The following ZFHX3 variants were observed in gnomAD, a reference collection of about 807,000 sequenced individuals.
ZFHX3 encodes the protein zinc finger homeobox protein 3.
A neutral mutation model predicts 279.1 loss-of-function variants in ZFHX3; 42 were observed. The observed-to-expected ratio is 0.15, with a 90% CI of 0.12 to 0.19. The LOEUF (loss-of-function observed/expected upper bound fraction) is 0.19. Ranked by LOEUF, ZFHX3 falls within the 10% of genes least tolerant of loss-of-function variation. The pLI, the probability that ZFHX3 is intolerant of heterozygous loss-of-function variation, is 1.00. For missense variants in ZFHX3, 4,981 were observed against 4,754.0 expected (o/e 1.05, Z -1.40); for synonymous variants, 2,293 against 1,957.8 (o/e 1.17, Z -4.52).
chr16:73,594,333 C>T (rs1200104637), intron 2 of ZFHX3, among the ~76,000 whole-genome samples: 1 of 151,790 alleles, frequency 6.6e-6, no homozygotes, highest in Non-Finnish European at 1.5e-5. Context: ...GAGAACCATG[C>T]CATATTTATA....
chr16:73,304,858 A>G (rs1479121940), intron 4 of ZFHX3, among the ~76,000 whole-genome samples: 1 of 152,084 alleles, frequency 6.6e-6, no homozygotes, highest in Non-Finnish European at 1.5e-5. Context: ...GGGTGCTTTG[A>G]GGTAGCACTT....
At chr16:73,243,969 G>A (rs757303458) in intron 5 of ZFHX3, among the ~76,000 whole-genome samples, 9 of 152,220 alleles carry the variant, frequency 5.9e-5, no homozygotes, top group Non-Finnish European at 2.9e-5. Flanking sequence ...CAAGTGCTTG[G>A]TCTCAGTTGG....
intron 7 of ZFHX3, among the ~76,000 whole-genome samples, chr16:73,112,966 G>A (rs551379084): frequency 4.1e-4 from 63 of 152,116 alleles, no homozygotes; most frequent in African/African-American, 1.3e-3. Flanking sequence ...GCAGCCCTGC[G>A]CCTTGGTTCA....
In ZFHX3 at chr16:73,864,659, G is replaced by T. The variant is rs184864399; in HGVS notation, c.-1608+26992C>A. Among the ~76,000 whole-genome samples the T allele has an allele frequency of 1.8e-3, 280 of 152,278 alleles. 2 individuals are homozygous for T. The highest frequency in any genetic ancestry group is 0.011 in the South Asian group (53 of 4,828). On this transcript the variant is annotated intron_variant, in intron 1 of 17. Coordinates refer to the ZFHX3 transcript ENST00000641206. Reference sequence around the variant, plus strand: ...GCTTGAACCCAGGAGGGTGGAGGTTGCAGTGAGCCAAGATCGCCCCACTGC... The same window carrying T: ...GCTTGAACCCAGGAGGGTGGAGGTTTCAGTGAGCCAAGATCGCCCCACTGC...
intron 2 of ZFHX3, among the ~76,000 whole-genome samples, chr16:73,470,157 G>A (rs946331989): frequency 7.2e-5 from 11 of 152,138 alleles, no homozygotes; most frequent in East Asian, 3.9e-4. Flanking sequence ...TGACAATACC[G>A]CCCATCTTGG....
chr16:73,635,392 C>G (rs997212961), intron 2 of ZFHX3, among the ~76,000 whole-genome samples: 2 of 152,144 alleles, frequency 1.3e-5, no homozygotes, highest in African/African-American at 2.4e-5. Context: ...GCATGTTACT[C>G]AAGTTCTCAG....
chr16:72,954,825 T>C (rs1961170787), intron 2 of ZFHX3, among the ~76,000 whole-genome samples: 1 of 152,112 alleles, frequency 6.6e-6, no homozygotes, highest in Non-Finnish European at 1.5e-5. Context: ...AACCCCACAA[T>C]CAGTGTCTGT....
intron 3 of ZFHX3, among the ~76,000 whole-genome samples, chr16:72,897,809 G>A (rs1340286513): frequency 6.6e-6 from 1 of 152,094 alleles, no homozygotes; most frequent in Non-Finnish European, 1.5e-5. Flanking sequence ...CATCCTTGGA[G>A]GAGCCCAAAG....
intron 2 of ZFHX3, among the ~76,000 whole-genome samples, chr16:73,520,634 A>G (rs1322139838): frequency 6.6e-6 from 1 of 152,240 alleles, no homozygotes; most frequent in Non-Finnish European, 1.5e-5. Flanking sequence ...TTGTACAAAC[A>G]TCTGGTGTCT....
intron 9 of ZFHX3, chr16:72,790,480 G>C (rs911417637): frequency 2.0e-5 from 3 of 152,186 alleles, no homozygotes; most frequent in Non-Finnish European, 4.4e-5. Context: ...GCCCAGACTT[G>C]GGGGAAGACT....
intron 1 of ZFHX3, among the ~76,000 whole-genome samples, chr16:73,794,891 T>C: frequency 6.6e-6 from 1 of 152,204 alleles, no homozygotes; most frequent in Non-Finnish European, 1.5e-5. Flanking sequence ...AGTTCTCAGT[T>C]CATGTTCTAG....
At chr16:73,436,835 C>A (rs1009809990) in intron 3 of ZFHX3, among the ~76,000 whole-genome samples, 1 of 152,144 alleles carries the variant, frequency 6.6e-6, no homozygotes, top group African/African-American at 2.4e-5. Context: ...TAGATGGACA[C>A]CAAAGTGATC....
chr16:73,214,843 CTTTTT>C (rs386385051), intron 5 of ZFHX3, among the ~76,000 whole-genome samples: 1 of 79,250 alleles, frequency 1.3e-5, no homozygotes, highest in Non-Finnish European at 2.2e-5. Flanking sequence ...TGCTGAAGGC[CTTTTT>C]TTTTTTTTTT....
intron 4 of ZFHX3, among the ~76,000 whole-genome samples, chr16:73,284,316 C>CAAAAAAAA (rs71156152): frequency 1.2e-5 from 1 of 83,276 alleles, no homozygotes; most frequent in African/African-American, 4.8e-5. Flanking sequence ...GACTCTGTCT[C>CAAAAAAAA]AAAAAAAAAA....
At chr16:73,003,690 AGC>A (rs1221384746) in intron 1 of ZFHX3, among the ~76,000 whole-genome samples, 1 of 152,164 alleles carries the variant, frequency 6.6e-6, no homozygotes, top group Non-Finnish European at 1.5e-5. Flanking sequence ...TGGACGAAAC[AGC>A]GAGACTCCAT....
chr16:73,404,178 A>C (rs1225984115), intron 3 of ZFHX3, among the ~76,000 whole-genome samples: 1 of 152,130 alleles, frequency 6.6e-6, no homozygotes, highest in Admixed American at 6.6e-5. Context: ...CATCTAAAGG[A>C]GGCCAGCCCC....
At chr16:73,718,304 G>A (rs370018951) in intron 1 of ZFHX3, among the ~76,000 whole-genome samples, 4 of 152,178 alleles carry the variant, frequency 2.6e-5, no homozygotes, top group Admixed American at 6.5e-5. Flanking sequence ...CCAGCTACTC[G>A]GGAGGCTGAG....
intron 3 of ZFHX3, among the ~76,000 whole-genome samples, chr16:73,361,910 G>A (rs918665): frequency 6.6e-6 from 1 of 152,180 alleles, no homozygotes; most frequent in East Asian, 1.9e-4. Context: ...ACACTGACAT[G>A]GTCTGAAAAA....
chr16:72,883,281 A>C (rs1034305160), intron 4 of ZFHX3, among the ~76,000 whole-genome samples: 1 of 152,172 alleles, frequency 6.6e-6, no homozygotes, highest in African/African-American at 2.4e-5. Context: ...TAAATGCAAA[A>C]TGCAGGAGAA....
Sources: allele counts gnomAD v4.1 joint callset (sites outside exome capture counted in the v4.1 genomes callset), GRCh38; gene constraint gnomAD v4.1.1; transcripts MANE v1.5; gene names NCBI Gene and HGNC (gene_info 2026-07-23, HGNC 2026-07-21).